Variants in PHACTR2 observed in about 807,000 individuals in gnomAD.
PHACTR2 encodes the protein chromosome 6 open reading frame 56.
In PHACTR2, 30 loss-of-function variants were observed where a neutral mutation model predicts 76.0. That is an observed-to-expected ratio of 0.39 (90% CI 0.30 to 0.54). The LOEUF is 0.54. Among genes scored for constraint, PHACTR2 ranks in the 20% least tolerant of loss-of-function variants. The pLI, the probability that PHACTR2 is intolerant of heterozygous loss-of-function variation, is 0.61. For synonymous variants in PHACTR2, 292 were observed against 292.5 expected (o/e 1.00, Z 0.02); for missense variants, 696 against 781.1 (o/e 0.89, Z 1.30).
At chr6:143,763,019 C>T (rs2128472923) in intron 5 of PHACTR2, among the ~76,000 whole-genome samples, 1 of 152,234 alleles carries the variant, frequency 6.6e-6, no homozygotes, top group Middle Eastern at 3.4e-3. Context: ...AAAAATGTAT[C>T]TTTTTCCTCA....
chr6:143,805,356 G>A (rs1042081138), intron 11 of PHACTR2, among the ~76,000 whole-genome samples: 8 of 151,824 alleles, frequency 5.3e-5, no homozygotes, highest in Admixed American at 5.3e-4. Flanking sequence ...GTGCATGCAT[G>A]TAATCCCAGC....
At chr6:143,676,965 G>GA (rs1014287810), upstream of PHACTR2, among the ~76,000 whole-genome samples, 23 of 146,724 alleles carry the variant, frequency 1.6e-4, no homozygotes, top group African/African-American at 5.7e-4. This position sits in a 1 kb window ranked among gnomAD's most constrained non-coding sequence, Gnocchi z 4.8. Flanking sequence ...AAAAATTTTA[G>GA]AAAAAAATGA....
Position 143,710,771 on chromosome 6 carries a change from T to A in PHACTR2, c.47-1245T>A, listed in dbSNP as rs1778156929. 6.6e-6 allele frequency among the ~76,000 whole-genome samples: 1 copy of A among 152,254 alleles called. No individual in the cohort carries two copies. Among genetic ancestry groups the A allele is most frequent in the Non-Finnish European group, 1.5e-5 (1 of 68,050 alleles). On this transcript the variant is annotated intron_variant, in intron 1 of 12. Coordinates refer to ENST00000440869, the MANE Select transcript of PHACTR2 (RefSeq NM_001100164.2). The surrounding 1 kb of genome is among the most constrained non-coding windows in gnomAD (Gnocchi z 4.9). ...CTCTTCAATTTTTGTTTTTATTTGT[T>A]TTACTATGACCAATATTATATTAAG...
At position 143,789,606 on chromosome 6, in the gene PHACTR2, T is replaced by C. The variant is rs1051425810; in HGVS notation, c.1845+696T>C. Among the ~76,000 whole-genome samples, 2 of 152,240 alleles carry C rather than the reference T, an allele frequency of 1.3e-5. No homozygotes were observed. The highest frequency in any genetic ancestry group is 1.9e-4 in the East Asian group (1 of 5,204). ...AAGATTCGTGCCAACCGTTTGTTTT[T>C]AAATTGTTCTAATTTTTATCTCTTA... On this transcript the variant is annotated intron_variant, in intron 11 of 12. Coordinates refer to ENST00000440869, the MANE Select transcript of PHACTR2 (RefSeq NM_001100164.2). The surrounding 1 kb of genome is among the most constrained non-coding windows in gnomAD (Gnocchi z 5.1).
chr6:143,740,725 A>T (rs1384931185), intron 2 of PHACTR2, among the ~76,000 whole-genome samples: 1 of 152,162 alleles, frequency 6.6e-6, no homozygotes, highest in African/African-American at 2.4e-5. Flanking sequence ...TACCCATTTA[A>T]AATTAACTTT....
rs1776408075 is a variant in PHACTR2, at chr6:143,633,969, G to T, written c.13+25647G>T. ...ACTTAACAAGGCAGTATCATAAAAT[G>T]ACTATGATAATTATATTTTATCCTA... On this transcript the variant is annotated intron_variant, in intron 1 of 11. Coordinates refer to the PHACTR2 transcript ENST00000305766. The surrounding 1 kb of genome is among the most constrained non-coding windows in gnomAD (Gnocchi z 4.1). Among the ~76,000 whole-genome samples, 1 of 152,180 alleles carries T rather than the reference G, an allele frequency of 6.6e-6. No homozygotes were observed. The highest frequency in any genetic ancestry group is 1.5e-5 in the Non-Finnish European group (1 of 68,028).
chr6:143,675,238 A>G (rs1435191097), upstream of PHACTR2, among the ~76,000 whole-genome samples: 1 of 152,238 alleles, frequency 6.6e-6, no homozygotes, highest in Non-Finnish European at 1.5e-5. This position sits in a 1 kb window ranked among gnomAD's most constrained non-coding sequence, Gnocchi z 4.9. Context: ...AGCTTGAAAA[A>G]TATTTAGAGT....
intron 1 of PHACTR2, among the ~76,000 whole-genome samples, chr6:143,644,235 AGGC>A (rs1258724968): frequency 1.3e-5 from 2 of 152,142 alleles, no homozygotes; most frequent in African/African-American, 4.8e-5. Flanking sequence ...GTACAGGCTA[AGGC>A]GGGTGGAACA....
rs1775508627 is a variant in PHACTR2 at position 143,784,551 on chromosome 6, C to A, written c.1707+1271C>A. ...AAAAGCATTCCAAGGCAGATGGAGGCAATGCTTCATTCCCACAGAAAAGCT... is the reference window on the plus strand; with the variant it reads ...AAAAGCATTCCAAGGCAGATGGAGGAAATGCTTCATTCCCACAGAAAAGCT... On this transcript the variant is annotated intron_variant, in intron 10 of 12. Transcript: ENST00000440869. The surrounding 1 kb of genome is among the most constrained non-coding windows in gnomAD (Gnocchi z 4.5). Among the ~76,000 whole-genome samples, 1 of 152,106 alleles carries A rather than the reference C, an allele frequency of 6.6e-6. No homozygotes were observed. Among genetic ancestry groups the A allele is most frequent in the African/African-American group, 2.4e-5 (1 of 41,402 alleles).
chr6:143,705,783 G>T (rs1778039025), intron 1 of PHACTR2, among the ~76,000 whole-genome samples: 1 of 152,124 alleles, frequency 6.6e-6, no homozygotes, highest in South Asian at 2.1e-4. Flanking sequence ...TCGATCCCTG[G>T]CTAAGGTCCT....
At position 143,739,100 on chromosome 6, in the gene PHACTR2, C is replaced by A. The variant is rs541593932; in HGVS notation, c.215-9885C>A. Among the ~76,000 whole-genome samples the A allele has an allele frequency of 1.2e-4, 19 of 152,302 alleles. No homozygotes were observed. Among genetic ancestry groups the A allele is most frequent in the African/African-American group, 4.6e-4 (19 of 41,566 alleles). On this transcript the variant is annotated intron_variant, in intron 2 of 12. Coordinates refer to ENST00000440869, the MANE Select transcript of PHACTR2 (RefSeq NM_001100164.2). This position sits in a 1 kb window ranked among gnomAD's most constrained non-coding sequence, Gnocchi z 4.3. The stretch of plus-strand genomic sequence containing the variant: ...TTTATTTTTGAGACGGAGTCTCTCT[C>A]TGTCCCGAGGCTGGAGTGCAGTGGC...
In PHACTR2 at chr6:143,537,383, C is replaced by T. The variant is rs1433918177; in HGVS notation, c.217+176C>T. ...CTCCCCACACTGCCGCCTCCTCGGC[C>T]GCCCGGGCTCGGCGACCCTAGGCGG... On this transcript the variant is annotated intron_variant, in intron 1 of 11. Coordinates refer to the PHACTR2 transcript ENST00000367584. This position sits in a 1 kb window ranked among gnomAD's most constrained non-coding sequence, Gnocchi z 4.4. Among the ~76,000 whole-genome samples, 2 of 152,104 alleles carry T rather than the reference C, an allele frequency of 1.3e-5. No individual in the cohort carries two copies. The highest frequency in any genetic ancestry group is 2.1e-4 in the South Asian group (1 of 4,824).
At chr6:143,711,159 G>T in intron 1 of PHACTR2, 16 of 389,946 alleles carry the variant, frequency 4.1e-5, no homozygotes, top group East Asian at 7.0e-5. Flanking sequence ...TTTCTTCTCA[G>T]GTTATTTCTG....
At position 143,592,776 on chromosome 6, in the gene PHACTR2, G is replaced by C. The variant is rs1268325119; in HGVS notation, c.217+55569G>C. 1.3e-5 allele frequency among the ~76,000 whole-genome samples: 2 copies of C among 152,020 alleles called. No homozygotes were observed. Among genetic ancestry groups the C allele is most frequent in the Admixed American group, 1.3e-4 (2 of 15,256 alleles). Reference sequence around the variant, plus strand: ...AGAATCCCAACCTTGGGCTGGGCACGGTGGCTCAAGCCTGTAATCCCAGCA... The same window carrying C: ...AGAATCCCAACCTTGGGCTGGGCACCGTGGCTCAAGCCTGTAATCCCAGCA... On this transcript the variant is annotated intron_variant, in intron 1 of 11. Coordinates refer to the PHACTR2 transcript ENST00000367584. This position sits in a 1 kb window ranked among gnomAD's most constrained non-coding sequence, Gnocchi z 4.0.
Position 143,780,304 on chromosome 6 carries a change from T to C in PHACTR2, c.1646-2915T>C, listed in dbSNP as rs934704712. 3.3e-5 allele frequency among the ~76,000 whole-genome samples: 5 copies of C among 152,158 alleles called. No individual in the cohort carries two copies. The highest frequency in any genetic ancestry group is 7.2e-5 in the African/African-American group (3 of 41,430). On this transcript the variant is annotated intron_variant, in intron 9 of 12. Transcript: ENST00000440869. The surrounding 1 kb of genome is among the most constrained non-coding windows in gnomAD (Gnocchi z 4.4). ...GCACTTTAAGTTTATGTGTGTCTTT[T>C]TCATTTGCTAAAAACACCCATATGA...
intron 1 of PHACTR2, among the ~76,000 whole-genome samples, chr6:143,628,581 C>T (rs991329994): frequency 7.9e-5 from 12 of 152,130 alleles, no homozygotes; most frequent in Admixed American, 2.6e-4. Context: ...CCCTTCGCCT[C>T]CCTCTTATAA....
Position 143,767,396 on chromosome 6 carries a change from C to T in PHACTR2, c.1232+1598C>T, listed in dbSNP as rs1349420325. On this transcript the variant is annotated intron_variant, in intron 6 of 12. Transcript: ENST00000440869. This position sits in a 1 kb window ranked among gnomAD's most constrained non-coding sequence, Gnocchi z 4.4. ...GGGTTTTTTTAAGTCATTTTGAGCA[C>T]CAATATTTGAAGGACAGCCAAGAAA... 1.3e-5 allele frequency among the ~76,000 whole-genome samples: 2 copies of T among 151,900 alleles called. No individual in the cohort carries two copies. The highest frequency in any genetic ancestry group is 2.9e-5 in the Non-Finnish European group (2 of 68,000).
chr6:143,732,349 A>G (rs1315157148), intron 2 of PHACTR2, among the ~76,000 whole-genome samples: 1 of 152,182 alleles, frequency 6.6e-6, no homozygotes, highest in Admixed American at 6.5e-5. Flanking sequence ...CCTATTCTTG[A>G]TATCTCATAC....
intron 2 of PHACTR2, among the ~76,000 whole-genome samples, chr6:143,745,892 C>T (rs185781662): frequency 3.3e-5 from 5 of 152,336 alleles, no homozygotes; most frequent in African/African-American, 1.2e-4. Flanking sequence ...GCCAAGGCTG[C>T]TGCTTCAAAG....
Sources: allele counts gnomAD v4.1 joint callset (sites outside exome capture counted in the v4.1 genomes callset), GRCh38; gene constraint gnomAD v4.1.1; non-coding constraint Gnocchi (gnomAD v3.1); transcripts MANE v1.5; gene names NCBI Gene and HGNC (gene_info 2026-07-23, HGNC 2026-07-21).